FBLN2: variants seen among roughly 807,000 people sequenced by gnomAD.
The protein encoded by FBLN2 is fibulin-2.
In FBLN2, 81 loss-of-function variants were observed where a neutral mutation model predicts 123.7. That is an observed-to-expected ratio of 0.65 (90% confidence interval 0.55 to 0.79). The LOEUF is 0.79. FBLN2 is among the 30% of genes least tolerant of loss of function. The pLI is 0.00. For synonymous variants in FBLN2, 699 were observed against 701.4 expected, an observed-to-expected ratio of 1.00 and a Z score of 0.05; for missense variants, 1,603 against 1,681.3, an observed-to-expected ratio of 0.95 and a Z score of 0.81.
chr3:13,603,655 G>C (rs1184171516), intron 2 of FBLN2, among the ~76,000 whole-genome samples: 1 of 152,130 alleles, frequency 6.6e-6, no homozygotes, highest in African/African-American at 2.4e-5. Context: ...GTTTGGGTTG[G>C]TTCCAAGTCT....
intron 8 of FBLN2, among the ~76,000 whole-genome samples, chr3:13,620,113 TCTC>T (rs1705798795): frequency 6.6e-6 from 1 of 152,184 alleles, no homozygotes; most frequent in East Asian, 1.9e-4. Flanking sequence ...GAGCAGTGCT[TCTC>T]CTGCCGAGTG....
chr3:13,626,249 A>G (rs2350307), intron 9 of FBLN2, among the ~76,000 whole-genome samples, 196 bp from the exon 10 acceptor site: 112,897 of 152,162 alleles, frequency 0.74, 42,306 homozygotes, highest in East Asian at 0.98. Context: ...TGCTTGGTGC[A>G]TAGCAGGTGC....
intron 9 of FBLN2, among the ~76,000 whole-genome samples, chr3:13,623,502 C>T (rs775755950): frequency 2.0e-4 from 30 of 152,210 alleles, no homozygotes; most frequent in Non-Finnish European, 2.9e-4. Flanking sequence ...CCATGCCCCT[C>T]GCACACGTGT....
At chr3:13,572,508 G>A (rs1023310042) in intron 2 of FBLN2, among the ~76,000 whole-genome samples, 2 of 152,246 alleles carry the variant, frequency 1.3e-5, no homozygotes, top group African/African-American at 4.8e-5. Flanking sequence ...TATCCTCCAA[G>A]CCACCTGCCA....
At chr3:13,604,493 C>A (rs900083948) in intron 2 of FBLN2, among the ~76,000 whole-genome samples, 2 of 152,158 alleles carry the variant, frequency 1.3e-5, no homozygotes, top group Non-Finnish European at 2.9e-5. Context: ...AATAGGGAAT[C>A]GTTTTCCCAT....
chr3:13,619,606 C>G (rs1455147987), intron 7 of FBLN2, 124 bp from the exon 8 acceptor site: 4 of 735,942 alleles, frequency 5.4e-6, no homozygotes, highest in African/African-American at 1.8e-5. Flanking sequence ...CTCCCAGCAT[C>G]CCTGCCTTCT....
chr3:13,566,922 C>T (rs866690429), intron 1 of FBLN2, among the ~76,000 whole-genome samples: 6 of 152,352 alleles, frequency 3.9e-5, no homozygotes, highest in Middle Eastern at 3.4e-3. Context: ...TGGTGGAACA[C>T]GTTCACTGGG....
chr3:13,552,733 G>T (rs1403535691), intron 1 of FBLN2, among the ~76,000 whole-genome samples: 1 of 152,142 alleles, frequency 6.6e-6, no homozygotes, highest in East Asian at 1.9e-4. Context: ...TGTGGGGGCG[G>T]CCAGGGAGGG....
chr3:13,579,767 A>G (rs1704263132), intron 2 of FBLN2, among the ~76,000 whole-genome samples: 1 of 152,296 alleles, frequency 6.6e-6, no homozygotes, highest in African/African-American at 2.4e-5. Context: ...TCTCTACACC[A>G]TGCCCCAGTG....
At chr3:13,576,757 A>G (rs1341723830) in intron 2 of FBLN2, among the ~76,000 whole-genome samples, 2 of 149,798 alleles carry the variant, frequency 1.3e-5, no homozygotes, top group African/African-American at 5.1e-5. Context: ...TCCACCCAGT[A>G]TTTATAGCGC....
chr3:13,607,665 A>G (rs1327936930), intron 2 of FBLN2, among the ~76,000 whole-genome samples: 5 of 152,116 alleles, frequency 3.3e-5, no homozygotes, highest in African/African-American at 4.8e-5. Context: ...GGTCTTGTGC[A>G]TGTGTTGGTT....
chr3:13,631,548 C>T lies in FBLN2; in HGVS notation c.3214+91C>T, dbSNP rs574712583. The stretch of plus-strand genomic sequence containing the variant: ...GAAAAGCTCACACAGCTTGCGTGCA[C>T]TTGGAGCCCCCACACCCAGTGAATA... On this transcript the variant is annotated intron_variant, in intron 16 of 17. Transcript: ENST00000404922. 37 of 1,417,366 alleles carry T rather than the reference C, an allele frequency of 2.6e-5. No individual in the cohort carries two copies. The African/African-American group carries it at 4.7e-4, about 18-fold the overall frequency. The allele number at this position is 1,417,366 out of a possible 1,614,324, so 87.8% of individuals were successfully genotyped here.
chr3:13,554,768 G>A lies in FBLN2; in HGVS notation c.-42+5560G>A, dbSNP rs202033698. Among the ~76,000 whole-genome samples the A allele has an allele frequency of 2.0e-5, 3 of 152,050 alleles. No individual in the cohort carries two copies. In the East Asian group the frequency reaches 5.8e-4, roughly 29 times the overall value. ...GCTGGTAGAGGCAGAGGGCTTCTAC[G>A]GGGACCTGTGCACTTTCTTGGGGAA... On this transcript the variant is annotated intron_variant, in intron 1 of 17. Transcript: ENST00000404922.
At chr3:13,611,807 G>A (rs1389707310) in intron 4 of FBLN2, among the ~76,000 whole-genome samples, 1 of 152,206 alleles carries the variant, frequency 6.6e-6, no homozygotes, top group African/African-American at 2.4e-5. Context: ...TCATTGGCTG[G>A]AGCTTCATCT....
rs113762779 is a variant in FBLN2 at position 13,608,117 on chromosome 3, T to C, written c.1362T>C (p.Ile454=). ...GCGCAGCCGGACAGCAGTGGGCCATTGACAATGACGAGTGCCTGGAGATCC... is the reference window on the plus strand; with the variant it reads ...GCGCAGCCGGACAGCAGTGGGCCATCGACAATGACGAGTGCCTGGAGATCC... ...TCCAAGQQWA[I]DNDECLEIPE... is the part of the protein sequence containing the mutation. The change falls in exon 3 of 18, where the codon ATT becomes ATC. Residue 454 remains isoleucine, a synonymous_variant. Transcript: ENST00000404922. 3 of 1,598,998 alleles carry C rather than the reference T, an allele frequency of 1.9e-6. No individual in the cohort carries two copies. Among genetic ancestry groups the C allele is most frequent in the Non-Finnish European group, 2.6e-6 (3 of 1,172,994 alleles).
intron 2 of FBLN2, among the ~76,000 whole-genome samples, chr3:13,601,437 C>T (rs528437898): frequency 6.6e-6 from 1 of 152,334 alleles, no homozygotes; most frequent in East Asian, 1.9e-4. Flanking sequence ...GGTGGCGTCA[C>T]TCTCAGTGAC....
At chr3:13,629,348 C>G in intron 13 of FBLN2, 56 bp downstream of exon 13, 3 of 1,526,978 alleles carry the variant, frequency 2.0e-6, no homozygotes, top group Non-Finnish European at 2.6e-6. Context: ...CCCCTGCCCT[C>G]TGTGCACTCC....
chr3:13,558,203 G>A (rs920666309), intron 1 of FBLN2, among the ~76,000 whole-genome samples: 2 of 152,142 alleles, frequency 1.3e-5, no homozygotes, highest in African/African-American at 2.4e-5. Flanking sequence ...GCCGTAGGCC[G>A]GCCCCGCCTG....
chr3:13,614,973 TATCC>T (rs56688853), intron 5 of FBLN2, among the ~76,000 whole-genome samples: 95,131 of 142,970 alleles, frequency 0.67, 32,364 homozygotes, highest in East Asian at 0.9. Context: ...TCCATCTGCT[TATCC>T]ATCCATCCAT....
Sources: allele counts gnomAD v4.1 joint callset (sites outside exome capture counted in the v4.1 genomes callset), GRCh38; gene constraint gnomAD v4.1.1; transcripts MANE v1.5; gene names NCBI Gene and HGNC (gene_info 2026-07-23, HGNC 2026-07-21).